SAMMSON: variants seen among roughly 807,000 people sequenced by gnomAD.
The protein encoded by SAMMSON is survival associated mitochondrial melanoma specific oncogenic non-coding RNA, also known as long intergenic non-protein coding RNA 1212.
At chr3:70,091,178 T>G (rs1253730839) in intron 4 of SAMMSON, among the ~76,000 whole-genome samples, 1 of 152,142 alleles carries the variant, frequency 6.6e-6, no homozygotes, top group Non-Finnish European at 1.5e-5. Flanking sequence ...CACAAGTCTA[T>G]TTTTGATTAG....
intron 4 of SAMMSON, among the ~76,000 whole-genome samples, chr3:70,094,197 C>G (rs2067315230): frequency 6.6e-6 from 1 of 152,168 alleles, no homozygotes; most frequent in African/African-American, 2.4e-5. Flanking sequence ...TTGATCATGC[C>G]TGCTGCTCTC....
intron 4 of SAMMSON, among the ~76,000 whole-genome samples, chr3:70,152,619 C>A (rs6798250): frequency 0.4 from 60,158 of 151,830 alleles, 12,533 homozygotes; most frequent in East Asian, 0.72. Context: ...GGACTATTTT[C>A]CCCTTGAGAT....
intron 4 of SAMMSON, among the ~76,000 whole-genome samples, chr3:70,121,467 C>G (rs1442432739): frequency 6.7e-6 from 1 of 148,820 alleles, no homozygotes; most frequent in Admixed American, 6.7e-5. Context: ...CCAAGCAAGG[C>G]AAAAAAAAAT....
intron 3 of SAMMSON, among the ~76,000 whole-genome samples, chr3:70,031,876 AC>A (rs2067067326): frequency 2.0e-5 from 3 of 152,176 alleles, no homozygotes; most frequent in African/African-American, 7.2e-5. Flanking sequence ...TACCAGGCTC[AC>A]AGTAAGCATG....
At chr3:70,182,320 CG>C (rs1246525868) in intron 4 of SAMMSON, among the ~76,000 whole-genome samples, 1 of 152,142 alleles carries the variant, frequency 6.6e-6, no homozygotes, top group Non-Finnish European at 1.5e-5. Context: ...GTTTTCCACT[CG>C]GCACCAAATG....
At chr3:70,177,359 C>G (rs986565486) in intron 4 of SAMMSON, among the ~76,000 whole-genome samples, 1 of 152,114 alleles carries the variant, frequency 6.6e-6, no homozygotes, top group Non-Finnish European at 1.5e-5. Context: ...GAGCACCTAC[C>G]GTGAACTGGT....
At chr3:70,329,719 C>A (rs1038814461) in intron 7 of SAMMSON, among the ~76,000 whole-genome samples, 3 of 151,852 alleles carry the variant, frequency 2.0e-5, no homozygotes, top group African/African-American at 7.2e-5. Flanking sequence ...AAAGAAAAAT[C>A]ACACAATAGA....
chr3:70,242,537 C>A (rs1701674052), intron 4 of SAMMSON, among the ~76,000 whole-genome samples: 1 of 152,128 alleles, frequency 6.6e-6, no homozygotes, highest in South Asian at 2.1e-4. Context: ...CATTGCAATC[C>A]TTTCCAAAAC....
At chr3:70,392,951 C>T (rs563266323), downstream of SAMMSON, among the ~76,000 whole-genome samples, 7 of 152,160 alleles carry the variant, frequency 4.6e-5, no homozygotes, top group Admixed American at 2.0e-4. Flanking sequence ...GATTTTAATT[C>T]GCATTGCAAA....
chr3:70,228,191 A>T (rs1343788788), intron 4 of SAMMSON, among the ~76,000 whole-genome samples: 3 of 152,034 alleles, frequency 2.0e-5, no homozygotes, highest in Admixed American at 2.0e-4. Flanking sequence ...GTATCAAGAA[A>T]GGCATTTTAC....
chr3:70,362,233 G>A (rs1702876922), intron 9 of SAMMSON, among the ~76,000 whole-genome samples: 1 of 152,118 alleles, frequency 6.6e-6, no homozygotes, highest in Non-Finnish European at 1.5e-5. Context: ...CATTTAAAAA[G>A]TTAGAAATAA....
chr3:70,113,559 C>T (rs577826560), intron 4 of SAMMSON, among the ~76,000 whole-genome samples: 2 of 152,206 alleles, frequency 1.3e-5, no homozygotes, highest in African/African-American at 4.8e-5. Context: ...GCAGAGCTTG[C>T]CTTAAGGGAC....
intron 3 of SAMMSON, chr3:70,014,097 A>G (rs1214194070): frequency 1.3e-5 from 2 of 152,190 alleles, no homozygotes; most frequent in African/African-American, 4.8e-5. Context: ...ATTTACAAGC[A>G]GGCCATCTCT....
At chr3:70,268,289 G>A (rs1387233139) in intron 6 of SAMMSON, among the ~76,000 whole-genome samples, 1 of 151,938 alleles carries the variant, frequency 6.6e-6, no homozygotes, top group Non-Finnish European at 1.5e-5. Flanking sequence ...TGGACAGCAC[G>A]GAGAAACACC....
chr3:70,016,446 G>A (rs1049926534), intron 3 of SAMMSON, among the ~76,000 whole-genome samples: 13 of 151,836 alleles, frequency 8.6e-5, no homozygotes, highest in Admixed American at 3.9e-4. Flanking sequence ...TGTTTTTTTC[G>A]TGTAACTTTG....
chr3:70,311,290 C>T (rs1575622922), intron 7 of SAMMSON, among the ~76,000 whole-genome samples: 1 of 152,162 alleles, frequency 6.6e-6, no homozygotes, highest in African/African-American at 2.4e-5. Flanking sequence ...AATTATAAAA[C>T]CGTGCCTTCT....
intron 4 of SAMMSON, among the ~76,000 whole-genome samples, chr3:70,109,140 C>T (rs1354833353): frequency 6.6e-6 from 1 of 152,100 alleles, no homozygotes; most frequent in East Asian, 1.9e-4. Flanking sequence ...TGGAACCACC[C>T]TTCTATCAAC....
chr3:70,157,217 C>G (rs1038434525), intron 4 of SAMMSON, among the ~76,000 whole-genome samples: 2 of 151,900 alleles, frequency 1.3e-5, no homozygotes, highest in African/African-American at 4.8e-5. Flanking sequence ...AATATATGAC[C>G]ATAAAGATTT....
At chr3:70,353,554 A>T (rs565827616) in intron 7 of SAMMSON, among the ~76,000 whole-genome samples, 1 of 151,462 alleles carries the variant, frequency 6.6e-6, no homozygotes, top group Non-Finnish European at 1.5e-5. Flanking sequence ...TGGCTAAAAT[A>T]AAAAAAATAG....
Sources: gnomAD v4.1 joint callset for allele counts (sites outside exome capture counted in the v4.1 genomes callset) on GRCh38, gnomAD v4.1.1 for gene constraint, MANE v1.5 for transcripts, NCBI Gene and HGNC (gene_info 2026-07-23, HGNC 2026-07-21) for gene names.